IPO8: variants seen among roughly 807,000 people sequenced by gnomAD.
The protein encoded by IPO8 is importin-8.
In IPO8, 65 loss-of-function variants were observed where a neutral mutation model predicts 141.2. That is an observed-to-expected ratio of 0.46 (90% CI 0.38 to 0.57). IPO8 has a LOEUF of 0.57. Ranked by LOEUF, IPO8 falls within the 20% of genes least tolerant of loss-of-function variation. The pLI is 0.00. For synonymous variants in IPO8, 411 were observed against 420.3 expected, an observed-to-expected ratio of 0.98 and a Z score of 0.27; for missense variants, 980 against 1,246.8, an observed-to-expected ratio of 0.79 and a Z score of 3.22.
chr12:30,630,990 A>G, intron 24 of IPO8, 33 bp from the exon 25 acceptor site: 1 of 1,549,286 alleles, frequency 6.5e-7, no homozygotes, highest in Non-Finnish European at 8.9e-7. Flanking sequence ...GGGAGAAGAA[A>G]AAAAAAGAAT....
Position 30,629,142 on chromosome 12 carries a change from T to C in IPO8, c.*1718A>G, listed in dbSNP as rs7327. 0.59 allele frequency: 89,151 copies of C among 152,064 alleles called. 27,797 individuals are homozygous for C. The highest frequency in any genetic ancestry group is 0.81 in the African/African-American group (33,479 of 41,496). The allele number at this position is 152,064 out of a possible 1,614,324, so 9.4% of individuals were successfully genotyped here. A position where few individuals can be genotyped will look rare whatever the true frequency, so the allele number is the denominator to read the frequency against. Reference sequence around the variant, plus strand: ...CAAGATAGGGTAATGCACATTAATATCTCTTTCCCTTTAATACTGCAGAAG... The same window carrying C: ...CAAGATAGGGTAATGCACATTAATACCTCTTTCCCTTTAATACTGCAGAAG... On this transcript the variant is annotated 3_prime_UTR_variant, in exon 25 of 25. Coordinates refer to ENST00000256079, the MANE Select transcript of IPO8 (RefSeq NM_006390.4).
At chr12:30,633,961 G>A (rs2052467386) in intron 23 of IPO8, 122 bp downstream of exon 23, 2 of 750,622 alleles carry the variant, frequency 2.7e-6, no homozygotes, top group Non-Finnish European at 4.3e-6. Context: ...CTATCATAAG[G>A]AATAAACAAA....
At chr12:30,643,341 T>C (rs1413011656) in intron 20 of IPO8, among the ~76,000 whole-genome samples, 1 of 152,142 alleles carries the variant, frequency 6.6e-6, no homozygotes, top group Non-Finnish European at 1.5e-5. Context: ...TTACAGGAAA[T>C]TTAGAGGAAT....
rs1376730212 is a variant in IPO8 at position 30,695,531 on chromosome 12, G to C, written c.84+33C>G. 6.3e-7 allele frequency: 1 copy of C among 1,597,088 alleles called. No individual in the cohort carries two copies. The highest frequency in any genetic ancestry group is 8.6e-7 in the Non-Finnish European group (1 of 1,165,662). On this transcript the variant is annotated intron_variant, in intron 1 of 24. Coordinates refer to ENST00000256079, the MANE Select transcript of IPO8 (RefSeq NM_006390.4). The surrounding 1 kb of genome is among the most constrained non-coding windows in gnomAD (Gnocchi z 4.2). Reference sequence around the variant, plus strand: ...GCCAGCCGGCAGGGGCGCCCCTTCGGCGGAAGAGGGTCGCCGAAGACCCTC... The same window carrying C: ...GCCAGCCGGCAGGGGCGCCCCTTCGCCGGAAGAGGGTCGCCGAAGACCCTC...
At chr12:30,663,776 T>C in intron 13 of IPO8, 122 bp from the exon 14 acceptor site, 2 of 707,536 alleles carry the variant, frequency 2.8e-6, no homozygotes, top group Non-Finnish European at 4.1e-6. Context: ...GCTTTTGGGG[T>C]AACACAGTAG....
At chr12:30,679,478 T>C (rs1255932104) in intron 5 of IPO8, among the ~76,000 whole-genome samples, 1 of 152,124 alleles carries the variant, frequency 6.6e-6, no homozygotes, top group Non-Finnish European at 1.5e-5. Flanking sequence ...CTCTGAATAT[T>C]ATTTCAAAAC....
At chr12:30,642,387 A>G (rs2052586695) in intron 20 of IPO8, among the ~76,000 whole-genome samples, 1 of 152,120 alleles carries the variant, frequency 6.6e-6, no homozygotes, top group African/African-American at 2.4e-5. Flanking sequence ...TCAGCATCAC[A>G]CAATATATCC....
At chr12:30,653,969 T>C (rs2052761480) in intron 17 of IPO8, among the ~76,000 whole-genome samples, 1 of 152,020 alleles carries the variant, frequency 6.6e-6, no homozygotes, top group Non-Finnish European at 1.5e-5. Context: ...ATGGAATTTC[T>C]AAAAGTTCTA....
intron 2 of IPO8, among the ~76,000 whole-genome samples, chr12:30,685,840 T>C (rs1181326249): frequency 2.0e-5 from 3 of 148,824 alleles, no homozygotes; most frequent in Admixed American, 2.0e-4. Flanking sequence ...GAGGCGGAGG[T>C]TGCAGTGAGC....
intron 20 of IPO8, among the ~76,000 whole-genome samples, chr12:30,647,963 G>C (rs1236316078): frequency 6.6e-6 from 1 of 152,104 alleles, no homozygotes; most frequent in Non-Finnish European, 1.5e-5. Context: ...AATAAGTGCT[G>C]GCAAAAACAC....
chr12:30,684,855 A>G (rs2053224192), intron 2 of IPO8, among the ~76,000 whole-genome samples: 1 of 152,138 alleles, frequency 6.6e-6, no homozygotes, highest in Non-Finnish European at 1.5e-5. Context: ...GCTACTGTCA[A>G]ACACTAGCAT....
At chr12:30,665,938 C>T (rs1224457683) in intron 11 of IPO8, 93 bp from the exon 12 acceptor site, 5 of 826,858 alleles carry the variant, frequency 6.0e-6, no homozygotes, top group Non-Finnish European at 7.7e-6. Context: ...AAAATAAAGC[C>T]ATTTTATTAT....
chr12:30,666,205 G>A lies in IPO8; in HGVS notation c.1191C>T (p.Leu397=), dbSNP rs1310789440. The A allele has an allele frequency of 1.3e-6, 2 of 1,595,354 alleles. No homozygotes were observed. Among genetic ancestry groups the A allele is most frequent in the East Asian group, 4.5e-5 (2 of 44,584 alleles). ...TTCTTTTCTTTGCAGCAGTATATAAGAGAGTCTGGGCTGCTGTGGTGGGAG... is the reference window on the plus strand; with the variant it reads ...TTCTTTTCTTTGCAGCAGTATATAAAAGAGTCTGGGCTGCTGTGGTGGGAG... ...YASPTTAAQT[L]LYTAAKKRKE... The change falls in exon 11 of 25, where the codon CTC becomes CTT. Residue 397 remains leucine, a synonymous_variant. Coordinates refer to ENST00000256079, the MANE Select transcript of IPO8 (RefSeq NM_006390.4).
In IPO8 at chr12:30,695,739, C is replaced by T. The variant is rs146901567; in HGVS notation, c.-92G>A. ...ACCCTCTCAGCCTCCTCTTCCGCGA[C>T]CCCTGGATTACCTCACACCCCACCC... On this transcript the variant is annotated 5_prime_UTR_variant, in exon 1 of 25. Coordinates refer to ENST00000256079, the MANE Select transcript of IPO8 (RefSeq NM_006390.4). This position sits in a 1 kb window ranked among gnomAD's most constrained non-coding sequence, Gnocchi z 4.2. 7.5e-4 allele frequency: 919 copies of T among 1,218,918 alleles called. 16 individuals are homozygous for T. The East Asian group carries it at 0.02, about 26-fold the overall frequency. The allele number at this position is 1,218,918 out of a possible 1,614,324, so 75.5% of individuals were successfully genotyped here. A position where few individuals can be genotyped will look rare whatever the true frequency, so the allele number is the denominator to read the frequency against.
At chr12:30,674,823 G>A in intron 6 of IPO8, 70 bp from the exon 7 acceptor site, 1 of 945,716 alleles carries the variant, frequency 1.1e-6, no homozygotes, top group South Asian at 1.3e-5. Context: ...ACAAAGGCAA[G>A]ATAAATCTTG....
At chr12:30,693,632 C>T (rs530011727) in intron 1 of IPO8, among the ~76,000 whole-genome samples, 1 of 152,184 alleles carries the variant, frequency 6.6e-6, no homozygotes, top group South Asian at 2.1e-4. Flanking sequence ...AGGCAAAACC[C>T]ATCATCATAA....
chr12:30,648,825 G>A (rs566161921), intron 20 of IPO8, among the ~76,000 whole-genome samples: 21 of 151,960 alleles, frequency 1.4e-4, no homozygotes, highest in Non-Finnish European at 2.4e-4. Context: ...ATTTAAATAG[G>A]ATACACAAAA....
intron 20 of IPO8, among the ~76,000 whole-genome samples, chr12:30,641,116 G>A (rs1393528436): frequency 2.0e-5 from 3 of 152,216 alleles, no homozygotes; most frequent in East Asian, 1.9e-4. Context: ...AAACAAAATC[G>A]ATTATGGAAG....
At chr12:30,660,116 G>A (rs898110459) in intron 16 of IPO8, among the ~76,000 whole-genome samples, 19 of 152,022 alleles carry the variant, frequency 1.2e-4, no homozygotes, top group African/African-American at 3.6e-4. Flanking sequence ...CCAGCTCCTC[G>A]GGAGGCTGAG....
Sources: allele counts gnomAD v4.1 joint callset (sites outside exome capture counted in the v4.1 genomes callset), GRCh38; gene constraint gnomAD v4.1.1; non-coding constraint Gnocchi (gnomAD v3.1); transcripts MANE v1.5; gene names NCBI Gene and HGNC (gene_info 2026-07-23, HGNC 2026-07-21).